Variants in CNTNAP3B observed in about 807,000 individuals in gnomAD.
The protein encoded by CNTNAP3B is contactin associated protein family member 3B.
A neutral mutation model predicts 108.9 loss-of-function variants in CNTNAP3B; 25 were observed. The observed-to-expected ratio is 0.23, with a 90% CI of 0.17 to 0.32. The LOEUF is 0.32. Ranked by LOEUF, CNTNAP3B falls within the 10% of genes least tolerant of loss-of-function variation. The pLI is 1.00. For synonymous variants in CNTNAP3B, 103 were observed against 473.4 expected (o/e 0.22, Z 10.16); for missense variants, 252 against 1,210.4 (o/e 0.21, Z 11.75).
intron 1 of CNTNAP3B, among the ~76,000 whole-genome samples, chr9:42,117,010 C>A (rs1241454921): frequency 7.2e-6 from 1 of 139,222 alleles, no homozygotes; most frequent in African/African-American, 2.9e-5. Context: ...TACAGGAGCA[C>A]CCAGACTCAT....
At chr9:41,970,967 G>T (rs1463338329) in intron 9 of CNTNAP3B, among the ~76,000 whole-genome samples, 1 of 151,360 alleles carries the variant, frequency 6.6e-6, no homozygotes, top group East Asian at 1.9e-4. Flanking sequence ...AGTCCAGAAT[G>T]TTCTATGAAT....
chr9:42,058,263 A>G (rs1028125800), intron 3 of CNTNAP3B, among the ~76,000 whole-genome samples: 9 of 152,292 alleles, frequency 5.9e-5, no homozygotes, highest in African/African-American at 2.2e-4. Flanking sequence ...TGGTAATTCT[A>G]TTTTTGATTT....
At chr9:41,942,289 C>A (rs1406708140) in intron 13 of CNTNAP3B, among the ~76,000 whole-genome samples, 6 of 152,262 alleles carry the variant, frequency 3.9e-5, no homozygotes, top group Non-Finnish European at 8.8e-5. Flanking sequence ...TCCTGGCTAA[C>A]ATGGTGAAAC....
rs1361244089 is a variant in CNTNAP3B, at chr9:41,983,966, C to T, written c.1477+2202G>A. ...TCAGGAGGCTGAGGCAGGAGAATGG[C>T]GTGAACCTGGCGGTGCAGAGCTTGC... On this transcript the variant is annotated intron_variant, in intron 9 of 23. Coordinates refer to ENST00000377561, the MANE Select transcript of CNTNAP3B (RefSeq NM_001201380.3). Among the ~76,000 whole-genome samples, 6 of 99,614 alleles carry T rather than the reference C, an allele frequency of 6.0e-5. 2 individuals carry two copies. Among genetic ancestry groups the T allele is most frequent in the Admixed American group, 3.2e-4 (3 of 9,508 alleles). 65.4% of individuals were successfully genotyped at this position (99,614 alleles called of 152,430 possible). A position where few individuals can be genotyped will look rare whatever the true frequency, so the allele number is the denominator to read the frequency against.
At chr9:41,922,496 CAAAA>C (rs1823697223) in intron 17 of CNTNAP3B, among the ~76,000 whole-genome samples, 177 bp downstream of exon 17, 1 of 142,482 alleles carries the variant, frequency 7.0e-6, no homozygotes, top group Non-Finnish European at 1.5e-5. Flanking sequence ...AACAAACAAA[CAAAA>C]GAAATGTCAC....
At chr9:41,963,493 C>T (rs1401813898) in intron 11 of CNTNAP3B, among the ~76,000 whole-genome samples, 1 of 149,980 alleles carries the variant, frequency 6.7e-6, no homozygotes, top group Non-Finnish European at 1.5e-5. Context: ...TCAGTAAAGA[C>T]AGATGATTTT....
At chr9:41,940,258 A>G (rs868839741) in intron 13 of CNTNAP3B, among the ~76,000 whole-genome samples, 14 of 152,300 alleles carry the variant, frequency 9.2e-5, no homozygotes, top group Admixed American at 8.5e-4. Context: ...GTTAAGTCCA[A>G]AAAAGGATAA....
At chr9:41,963,826 C>T (rs1362658753) in intron 11 of CNTNAP3B, among the ~76,000 whole-genome samples, 7 of 152,418 alleles carry the variant, frequency 4.6e-5, no homozygotes, top group Non-Finnish European at 8.8e-5. Flanking sequence ...TCTTTCTGTC[C>T]TCAACTCTGC....
chr9:42,098,408 C>T (rs1408160620), intron 2 of CNTNAP3B, among the ~76,000 whole-genome samples: 2 of 45,406 alleles, frequency 4.4e-5, no homozygotes, highest in African/African-American at 7.4e-5. Flanking sequence ...CCCTTCTCTA[C>T]TAAAAATACA....
chr9:42,037,488 A>C (rs1826657043), intron 3 of CNTNAP3B, among the ~76,000 whole-genome samples: 1 of 129,738 alleles, frequency 7.7e-6, no homozygotes. Context: ...CGCATGTACG[A>C]GCTTCAGTAG....
intron 17 of CNTNAP3B, among the ~76,000 whole-genome samples, chr9:41,922,442 G>A (rs1823694839): frequency 1.4e-5 from 2 of 140,936 alleles, no homozygotes; most frequent in South Asian, 2.3e-4. Flanking sequence ...CTCCAGCCTG[G>A]GCGACACAGT....
intron 15 of CNTNAP3B, among the ~76,000 whole-genome samples, chr9:41,927,702 C>G (rs1588044545): frequency 6.6e-6 from 1 of 152,060 alleles, no homozygotes. Flanking sequence ...ATGAGATAAA[C>G]AGAAAAGATG....
intron 9 of CNTNAP3B, among the ~76,000 whole-genome samples, chr9:41,977,786 ATTTTTT>A (rs71288160): frequency 8.8e-5 from 8 of 90,516 alleles, no homozygotes; most frequent in Admixed American, 1.2e-4. Context: ...TGCCCAGCTA[ATTTTTT>A]TTTTTTTTTT....
chr9:41,951,687 G>C (rs1824689174), intron 13 of CNTNAP3B, among the ~76,000 whole-genome samples: 1 of 151,856 alleles, frequency 6.6e-6, no homozygotes, highest in African/African-American at 2.4e-5. Context: ...CTTTCTACTA[G>C]ACCAAATTGG....
intron 15 of CNTNAP3B, among the ~76,000 whole-genome samples, chr9:41,925,660 T>C (rs1823798450): frequency 6.6e-6 from 1 of 152,210 alleles, no homozygotes; most frequent in Admixed American, 6.5e-5. Context: ...TATTTGTGTA[T>C]TTATCCATTT....
At chr9:41,940,191 A>T (rs1202963792) in intron 13 of CNTNAP3B, among the ~76,000 whole-genome samples, 1 of 152,304 alleles carries the variant, frequency 6.6e-6, no homozygotes. Context: ...TACTGAAAAA[A>T]TACTGGCTGT....
chr9:42,098,409 TA>T (rs1827952824), intron 2 of CNTNAP3B, among the ~76,000 whole-genome samples: 1 of 36,856 alleles, frequency 2.7e-5, no homozygotes, highest in African/African-American at 8.4e-5. Flanking sequence ...CCTTCTCTAC[TA>T]AAAATACAAA....
intron 2 of CNTNAP3B, among the ~76,000 whole-genome samples, chr9:42,100,276 A>G (rs1322086233): frequency 1.3e-5 from 1 of 75,946 alleles, no homozygotes; most frequent in African/African-American, 4.5e-5. Flanking sequence ...ACTAGGTGAC[A>G]CAATACACTA....
In CNTNAP3B at chr9:42,110,273, G is replaced by T. The variant is rs375178219; in HGVS notation, c.86-5534C>A. 2.2e-5 allele frequency among the ~76,000 whole-genome samples: 3 copies of T among 135,868 alleles called. 1 individual carries two copies. Among genetic ancestry groups the T allele is most frequent in the Non-Finnish European group, 4.7e-5 (3 of 64,026 alleles). 89.1% of individuals were successfully genotyped at this position (135,868 alleles called of 152,430 possible). On this transcript the variant is annotated intron_variant, in intron 1 of 23. Coordinates refer to ENST00000377561, the MANE Select transcript of CNTNAP3B (RefSeq NM_001201380.3). ...CTCAATTCCTTCTGAGAAGGGCTTC[G>T]TGATGCTAAGCCACTCTGCCAGGCT...
Sources: allele counts gnomAD v4.1 joint callset (sites outside exome capture counted in the v4.1 genomes callset), GRCh38; gene constraint gnomAD v4.1.1; transcripts MANE v1.5; gene names NCBI Gene and HGNC (gene_info 2026-07-23, HGNC 2026-07-21).